ADGRF5: variants seen among roughly 807,000 people sequenced by gnomAD.
The protein encoded by ADGRF5 is G-protein coupled receptor 116.
Under a neutral mutation model 132.3 loss-of-function variants are expected in ADGRF5, and 75 were observed. The observed-to-expected ratio is 0.57, with a 90% CI of 0.47 to 0.69. The LOEUF is 0.69. Among genes scored for constraint, ADGRF5 ranks in the 30% least tolerant of loss-of-function variants. The probability of loss-of-function intolerance (pLI) is 0.00; values close to 1 mark genes in which losing one functional copy is unlikely to be tolerated. For missense variants in ADGRF5, 1,516 were observed against 1,630.6 expected, an observed-to-expected ratio of 0.93 and a Z score of 1.21; for synonymous variants, 629 against 597.6, an observed-to-expected ratio of 1.05 and a Z score of -0.77.
At chr6:46,936,480 C>T (rs1235303014) in intron 1 of ADGRF5, among the ~76,000 whole-genome samples, 2 of 152,144 alleles carry the variant, frequency 1.3e-5, no homozygotes, top group African/African-American at 2.4e-5. Context: ...ATAATAGTGG[C>T]AGTAGGTGAG....
intron 19 of ADGRF5, among the ~76,000 whole-genome samples, chr6:46,856,392 C>A (rs531356388): frequency 1.3e-5 from 2 of 149,186 alleles, no homozygotes; most frequent in African/African-American, 5.2e-5. Flanking sequence ...TGCCTTGAAT[C>A]CCCCCAGAAG....
intron 9 of ADGRF5, among the ~76,000 whole-genome samples, chr6:46,878,629 G>A (rs1251497972): frequency 1.3e-5 from 2 of 152,078 alleles, no homozygotes; most frequent in African/African-American, 4.8e-5. Flanking sequence ...GGAAATAGTA[G>A]AAATTTTAGG....
Position 46,874,170 on chromosome 6 carries a change from C to T in ADGRF5, c.1241-2157G>A, listed in dbSNP as rs540220387. ...ATTGCCTACAGAATACAGTAAAATC[C>T]CTCTTAGCCTGGTATATTCAATTAT... On this transcript the variant is annotated intron_variant, in intron 10 of 20. Transcript: ENST00000283296. Among the ~76,000 whole-genome samples, 11 of 152,268 alleles carry T rather than the reference C, an allele frequency of 7.2e-5. No homozygotes were observed. In the East Asian group the frequency reaches 1.2e-3, roughly 16 times the overall value.
intron 10 of ADGRF5, among the ~76,000 whole-genome samples, chr6:46,872,949 C>T (rs1349210643): frequency 3.9e-5 from 6 of 152,138 alleles, no homozygotes; most frequent in Admixed American, 3.9e-4. Flanking sequence ...ACTAGCTTTT[C>T]TCCCTAGACC....
rs182227253 is a variant in ADGRF5 at position 46,860,715 on chromosome 6, C to T, written c.2379G>A (p.Thr793=). Residue 793 remains threonine, a splice_region_variant and synonymous_variant, in exon 16 of 21, where the codon ACG becomes ACA. Coordinates refer to ENST00000283296, the MANE Select transcript of ADGRF5 (RefSeq NM_001098518.2). ...VPTQVNSEMM[T]HVLSTVNVIL... is the part of the protein sequence containing the mutation. ...TCCTGCAAAGGTTAAGCAAACTCACCGTCATCATTTCTGAATTTACTTGGG... is the reference window on the plus strand; with the variant it reads ...TCCTGCAAAGGTTAAGCAAACTCACTGTCATCATTTCTGAATTTACTTGGG... 1.3e-5 allele frequency: 21 copies of T among 1,608,670 alleles called. No homozygotes were observed. The highest frequency in any genetic ancestry group is 1.7e-4 in the Middle Eastern group (1 of 6,052).
chr6:46,911,131 G>T (rs111256304), intron 1 of ADGRF5, among the ~76,000 whole-genome samples: 63 of 152,252 alleles, frequency 4.1e-4, no homozygotes, highest in Middle Eastern at 3.4e-3. Context: ...TCTACAGAGA[G>T]GCAAGATGGG....
intron 1 of ADGRF5, among the ~76,000 whole-genome samples, chr6:46,951,203 A>C (rs1338800203): frequency 6.6e-6 from 1 of 152,220 alleles, no homozygotes; most frequent in African/African-American, 2.4e-5. Flanking sequence ...GCTGTAGACA[A>C]GGTGGGCATG....
chr6:46,913,449 A>G (rs897455399), intron 1 of ADGRF5, among the ~76,000 whole-genome samples: 2 of 152,078 alleles, frequency 1.3e-5, no homozygotes, highest in Admixed American at 6.6e-5. Flanking sequence ...CAGTGAACCA[A>G]GATCACGCCA....
intron 10 of ADGRF5, among the ~76,000 whole-genome samples, chr6:46,872,403 T>C (rs1482561091): frequency 2.0e-5 from 3 of 152,208 alleles, no homozygotes; most frequent in Non-Finnish European, 4.4e-5. Context: ...AGCGATGGTT[T>C]TTTGAATGTG....
intron 2 of ADGRF5, 118 bp downstream of exon 2, chr6:46,906,543 G>A (rs969038967): frequency 7.5e-6 from 5 of 666,594 alleles, no homozygotes; most frequent in Admixed American, 7.4e-5. Flanking sequence ...ACTATGGGAA[G>A]AATGTTTTTT....
intron 10 of ADGRF5, among the ~76,000 whole-genome samples, chr6:46,877,933 C>A (rs775611175): frequency 6.6e-6 from 1 of 152,128 alleles, no homozygotes; most frequent in African/African-American, 2.4e-5. Context: ...ATGCCATCGA[C>A]CTAAGTCATC....
intron 1 of ADGRF5, among the ~76,000 whole-genome samples, chr6:46,935,528 T>A (rs1157024120): frequency 6.6e-6 from 1 of 152,100 alleles, no homozygotes; most frequent in Non-Finnish European, 1.5e-5. Context: ...AGCAGTACTT[T>A]TAGGGGTACA....
chr6:46,865,267 A>G, intron 13 of ADGRF5, 70 bp from the exon 14 acceptor site: 1 of 1,083,938 alleles, frequency 9.2e-7, no homozygotes, highest in South Asian at 1.4e-5. Context: ...TGTTAAGATA[A>G]CCTAATATGA....
intron 16 of ADGRF5, 118 bp downstream of exon 16, chr6:46,860,597 G>T: frequency 1.5e-6 from 1 of 667,116 alleles, no homozygotes; most frequent in Non-Finnish European, 2.6e-6. Flanking sequence ...ACTATCCTGA[G>T]CACTGCTCTG....
At position 46,882,101 on chromosome 6, in the gene ADGRF5, T is replaced by G. The variant is rs377723289; in HGVS notation, c.619A>C (p.Lys207Gln). ...YKTDLETAFRKGYGILPGFKG... is the reference protein window; with the variant it reads ...YKTDLETAFRQGYGILPGFKG... ...AAGCCTGGTAAAATTCCGTAACCCTTCCGGAACTGAAAAATAAAGCAAGAT... is the reference window on the plus strand; with the variant it reads ...AAGCCTGGTAAAATTCCGTAACCCTGCCGGAACTGAAAAATAAAGCAAGAT... The change falls in exon 7 of 21, where the codon AAG becomes CAG. Residue 207 changes from lysine to glutamine, a missense_variant. Transcript: ENST00000283296. 5 of 1,608,804 alleles carry G rather than the reference T, an allele frequency of 3.1e-6. No individual in the cohort carries two copies. In the African/African-American group the frequency reaches 6.7e-5, roughly 22 times the overall value.
chr6:46,941,398 AAAG>A (rs1310517295), intron 1 of ADGRF5, among the ~76,000 whole-genome samples: 1 of 23,788 alleles, frequency 4.2e-5, no homozygotes, highest in Non-Finnish European at 7.2e-5. Context: ...AAAGAAAAGA[AAAG>A]AAAAGAAAAG....
intron 15 of ADGRF5, among the ~76,000 whole-genome samples, chr6:46,861,867 A>C (rs1033263507): frequency 1.3e-5 from 2 of 151,942 alleles, no homozygotes; most frequent in African/African-American, 4.8e-5. Context: ...TACAATTTCT[A>C]TCTTTCTTCA....
At chr6:46,857,684 G>T (rs1204473977) in intron 17 of ADGRF5, among the ~76,000 whole-genome samples, 70 of 152,150 alleles carry the variant, frequency 4.6e-4, no homozygotes, top group Non-Finnish European at 1.0e-4. Context: ...CTGCTATGTG[G>T]TACATAGGAT....
At position 46,883,596 on chromosome 6, in the gene ADGRF5, G is replaced by A. The variant is rs1330927596; in HGVS notation, c.575C>T (p.Ala192Val). 1 of 1,609,016 alleles carries A rather than the reference G, an allele frequency of 6.2e-7. No individual in the cohort carries two copies. The highest frequency in any genetic ancestry group is 1.7e-5 in the Admixed American group (1 of 58,646). The stretch of plus-strand genomic sequence containing the variant: ...GTCGGTCTTGTAGGACCTATAGAGG[G>A]CGGAGGAAGTGTTCATGAGGTCTTC... ...FQEDLMNTSS[A>V]LYRSYKTDLE... is the part of the protein sequence containing the mutation. Residue 192 changes from alanine (A) to valine (V), a missense_variant, in exon 6 of 21, where the codon GCC becomes GTC. This residue lies in a region of ADGRF5 where 945 missense variants were observed against 929.4 expected (regional missense o/e 1.02). Coordinates refer to ENST00000283296, the MANE Select transcript of ADGRF5 (RefSeq NM_001098518.2).
Sources: gnomAD v4.1 joint callset for allele counts (sites outside exome capture counted in the v4.1 genomes callset) on GRCh38, gnomAD v4.1.1 for gene constraint, gnomAD v4.1.1 regional missense constraint, MANE v1.5 for transcripts, NCBI Gene and HGNC (gene_info 2026-07-23, HGNC 2026-07-21) for gene names.